The following CPED1 variants were observed in gnomAD, a reference collection of about 807,000 sequenced individuals.
The protein encoded by CPED1 is cadherin like and PC-esterase domain containing 1.
Under a neutral mutation model 128.2 loss-of-function variants are expected in CPED1, and 114 were observed. The ratio of observed to expected loss-of-function variants is 0.89; its 90% CI spans 0.76 to 1.04. CPED1 has a LOEUF of 1.04. CPED1 is among the 50% of genes least tolerant of loss of function. CPED1 has a pLI of 0.00. For missense variants in CPED1, 1,211 were observed against 1,207.1 expected, an observed-to-expected ratio of 1.00 and a Z score of -0.05; for synonymous variants, 462 against 426.7, an observed-to-expected ratio of 1.08 and a Z score of -1.02.
intron 3 of CPED1, among the ~76,000 whole-genome samples, chr7:121,027,139 C>G (rs948153154): frequency 9.2e-5 from 14 of 151,962 alleles, no homozygotes; most frequent in African/African-American, 3.1e-4. Flanking sequence ...TCTCGCCTGG[C>G]TCTGTCATTT....
intron 16 of CPED1, among the ~76,000 whole-genome samples, chr7:121,219,935 T>C (rs984326476): frequency 3.9e-5 from 6 of 152,090 alleles, no homozygotes; most frequent in African/African-American, 1.4e-4. Flanking sequence ...TGTATATTTT[T>C]CTTAAAACTC....
intron 3 of CPED1, 87 bp downstream of exon 3, chr7:121,015,935 A>T: frequency 1.0e-6 from 1 of 984,332 alleles, no homozygotes; most frequent in Non-Finnish European, 1.3e-6. Flanking sequence ...CCCTCTAAAA[A>T]AATTTATAAA....
chr7:121,170,564 A>G (rs537891727), intron 16 of CPED1, among the ~76,000 whole-genome samples: 1 of 152,146 alleles, frequency 6.6e-6, no homozygotes, highest in East Asian at 1.9e-4. Context: ...ACTTACTGTT[A>G]TTATTATTAG....
intron 19 of CPED1, 32 bp from the exon 20 acceptor site, chr7:121,266,675 C>G (rs1474243025): frequency 6.6e-7 from 1 of 1,519,578 alleles, no homozygotes; most frequent in African/African-American, 1.4e-5. Context: ...TGTTTTAGGG[C>G]AACATGTGTT....
intron 3 of CPED1, among the ~76,000 whole-genome samples, chr7:121,030,167 G>A (rs577617525): frequency 4.6e-5 from 7 of 151,924 alleles, no homozygotes; most frequent in Non-Finnish European, 1.0e-4. Context: ...ACACACACAC[G>A]ATAGACACAC....
At chr7:121,131,010 C>T (rs751179847) in intron 12 of CPED1, among the ~76,000 whole-genome samples, 25 of 151,960 alleles carry the variant, frequency 1.6e-4, no homozygotes, top group Admixed American at 4.6e-4. Flanking sequence ...CAGGAGCATT[C>T]GACTTTTCTA....
chr7:121,236,653 AT>A, intron 16 of CPED1, 60 bp from the exon 17 acceptor site: 10 of 1,029,778 alleles, frequency 9.7e-6, no homozygotes, highest in African/African-American at 1.6e-5. Context: ...TATTTTTTAG[AT>A]TTTATTATTA....
rs1341453327 is a variant in CPED1, at chr7:121,127,017, G to A, written c.1135-73G>A. On this transcript the variant is annotated intron_variant, in intron 9 of 22. Transcript: ENST00000310396. ...TATAATCCAACAGGAAATAAATCAT[G>A]TCTTAGAAGTAATTCCATTGTCTTA... The A allele has an allele frequency of 4.1e-5, 46 of 1,132,712 alleles. No homozygotes were observed. In the East Asian group the frequency reaches 1.1e-3, roughly 27 times the overall value. The allele number at this position is 1,132,712 out of a possible 1,614,324, so 70.2% of individuals were successfully genotyped here.
intron 11 of CPED1, 111 bp downstream of exon 11, chr7:121,128,597 G>T (rs758893815): frequency 1.2e-5 from 8 of 640,750 alleles, no homozygotes; most frequent in Admixed American, 2.7e-5. Flanking sequence ...TTAAGAAATA[G>T]AAATCTTTAT....
intron 7 of CPED1, among the ~76,000 whole-genome samples, chr7:121,108,859 T>C (rs751132486): frequency 1.3e-5 from 2 of 152,074 alleles, no homozygotes; most frequent in Non-Finnish European, 2.9e-5. Context: ...CACCACCCTG[T>C]CCCATTGCCC....
At chr7:121,227,775 T>G (rs1310070427) in intron 16 of CPED1, among the ~76,000 whole-genome samples, 4 of 152,098 alleles carry the variant, frequency 2.6e-5, no homozygotes, top group Admixed American at 2.6e-4. Flanking sequence ...GCCAGGCATG[T>G]AATAAATGCT....
At chr7:121,167,116 G>A (rs575128554) in intron 16 of CPED1, among the ~76,000 whole-genome samples, 5 of 152,310 alleles carry the variant, frequency 3.3e-5, no homozygotes, top group African/African-American at 1.2e-4. Flanking sequence ...GCAAATGCTG[G>A]TAAAGTGACC....
intron 18 of CPED1, among the ~76,000 whole-genome samples, chr7:121,244,586 A>G (rs965015591): frequency 2.0e-5 from 3 of 152,198 alleles, no homozygotes; most frequent in Non-Finnish European, 2.9e-5. Flanking sequence ...GTCTTGTCCT[A>G]TGCTGACCCG....
intron 5 of CPED1, among the ~76,000 whole-genome samples, chr7:121,071,895 A>G (rs556852173): frequency 6.6e-6 from 1 of 152,106 alleles, no homozygotes; most frequent in African/African-American, 2.4e-5. Context: ...AGTAACTTTT[A>G]TCACCCACAA....
intron 16 of CPED1, among the ~76,000 whole-genome samples, chr7:121,180,183 A>G (rs1796871578): frequency 6.6e-6 from 1 of 152,028 alleles, no homozygotes; most frequent in Admixed American, 6.6e-5. Context: ...GGCAAACTGC[A>G]AGAGATGTGT....
chr7:121,058,951 T>A (rs1793580623), intron 4 of CPED1, among the ~76,000 whole-genome samples: 1 of 152,194 alleles, frequency 6.6e-6, no homozygotes, highest in Non-Finnish European at 1.5e-5. Flanking sequence ...CTTCATAATT[T>A]TAGAGCTTAA....
At chr7:121,226,095 G>A (rs1034423962) in intron 16 of CPED1, among the ~76,000 whole-genome samples, 1 of 152,036 alleles carries the variant, frequency 6.6e-6, no homozygotes, top group Non-Finnish European at 1.5e-5. Context: ...TTCTGCTCTG[G>A]GTTTTCCCCA....
intron 16 of CPED1, among the ~76,000 whole-genome samples, chr7:121,193,750 C>CTAGT (rs1198513930): frequency 6.6e-6 from 1 of 151,930 alleles, no homozygotes; most frequent in East Asian, 1.9e-4. Flanking sequence ...TTTTAAAAGG[C>CTAGT]TAGTAACTTG....
At chr7:121,231,704 A>G (rs1015877498) in intron 16 of CPED1, among the ~76,000 whole-genome samples, 1 of 152,132 alleles carries the variant, frequency 6.6e-6, no homozygotes. Context: ...TTGTTGAGGT[A>G]TAGAAATGAA....
Sources: allele counts gnomAD v4.1 joint callset (sites outside exome capture counted in the v4.1 genomes callset), GRCh38; gene constraint gnomAD v4.1.1; transcripts MANE v1.5; gene names NCBI Gene and HGNC (gene_info 2026-07-23, HGNC 2026-07-21).